Variants in SLC16A10 observed in about 807,000 individuals in gnomAD.
SLC16A10 encodes solute carrier family 16 member 10.
Under a neutral mutation model 40.0 loss-of-function variants are expected in SLC16A10, and 27 were observed. The observed-to-expected ratio is 0.67, with a 90% CI of 0.50 to 0.93. The LOEUF (loss-of-function observed/expected upper bound fraction) is 0.93. SLC16A10 is among the 40% of genes least tolerant of loss of function. The pLI is 0.00. For synonymous variants in SLC16A10, 213 were observed against 249.8 expected (o/e 0.85, Z 1.39); for missense variants, 529 against 658.2 (o/e 0.80, Z 2.15).
chr6:111,088,144 C>T (rs1770904548), intron 1 of SLC16A10, 49 bp downstream of exon 1: 13 of 1,559,854 alleles, frequency 8.3e-6, no homozygotes, highest in Admixed American at 1.9e-5. Context: ...CGCGTGGGGC[C>T]CCCGAGCGCA....
intron 3 of SLC16A10, among the ~76,000 whole-genome samples, chr6:111,187,909 C>A (rs938638830): frequency 3.3e-5 from 5 of 152,108 alleles, no homozygotes; most frequent in Non-Finnish European, 7.4e-5. Context: ...CCTTATAAAC[C>A]AAAGTTCACT....
At chr6:111,096,873 C>G (rs934735046) in intron 1 of SLC16A10, among the ~76,000 whole-genome samples, 1 of 151,992 alleles carries the variant, frequency 6.6e-6, no homozygotes, top group African/African-American at 2.4e-5. Flanking sequence ...GACTGGAGTG[C>G]AGTCAGTGAT....
chr6:111,169,029 C>G (rs1449460805), intron 1 of SLC16A10, among the ~76,000 whole-genome samples: 1 of 152,106 alleles, frequency 6.6e-6, no homozygotes, highest in Admixed American at 6.6e-5. Context: ...AAAGGATTCC[C>G]CCCAGTTGTG....
chr6:111,196,240 G>A (rs1773078063), intron 3 of SLC16A10, among the ~76,000 whole-genome samples: 1 of 152,152 alleles, frequency 6.6e-6, no homozygotes, highest in Non-Finnish European at 1.5e-5. Flanking sequence ...AGGAGGCTGA[G>A]GCAGGGAAAA....
intron 1 of SLC16A10, among the ~76,000 whole-genome samples, chr6:111,138,015 G>T (rs577148213): frequency 6.6e-6 from 1 of 152,276 alleles, no homozygotes; most frequent in Admixed American, 6.5e-5. Context: ...TACCCTCTTT[G>T]GGTACCCTCC....
chr6:111,195,138 A>G (rs1420930267), intron 3 of SLC16A10, among the ~76,000 whole-genome samples: 1 of 152,198 alleles, frequency 6.6e-6, no homozygotes, highest in African/African-American at 2.4e-5. Context: ...AAAACTACCT[A>G]TATACATAAT....
At chr6:111,206,533 T>C in intron 3 of SLC16A10, 59 bp from the exon 4 acceptor site, 1 of 1,601,010 alleles carries the variant, frequency 6.2e-7, no homozygotes, top group Non-Finnish European at 8.5e-7. Flanking sequence ...ATGCAAAGCC[T>C]CAAATTTGTC....
intron 4 of SLC16A10, among the ~76,000 whole-genome samples, chr6:111,216,294 A>G (rs1773419845): frequency 6.6e-6 from 1 of 152,224 alleles, no homozygotes; most frequent in African/African-American, 2.4e-5. Context: ...CATTGGAGAA[A>G]AGGATATTTA....
chr6:111,116,585 C>T (rs1771491513), intron 1 of SLC16A10, among the ~76,000 whole-genome samples: 2 of 152,172 alleles, frequency 1.3e-5, no homozygotes, highest in Admixed American at 1.3e-4. Context: ...TGCTGATGAC[C>T]TACTTTATGT....
intron 3 of SLC16A10, among the ~76,000 whole-genome samples, chr6:111,197,212 G>C (rs185354071): frequency 2.0e-5 from 3 of 152,276 alleles, no homozygotes; most frequent in Non-Finnish European, 2.9e-5. Context: ...GAAAGAGATA[G>C]ATAGGAGACT....
At chr6:111,097,251 T>A (rs1220968795) in intron 1 of SLC16A10, among the ~76,000 whole-genome samples, 1 of 152,222 alleles carries the variant, frequency 6.6e-6, no homozygotes, top group Non-Finnish European at 1.5e-5. Context: ...GACAATGTCA[T>A]ACTCTGTATT....
At chr6:111,219,119 T>C (rs1770839467) in intron 5 of SLC16A10, 77 bp downstream of exon 5, 3 of 1,290,668 alleles carry the variant, frequency 2.3e-6, no homozygotes, top group Non-Finnish European at 3.3e-6. Context: ...GTCTCATTTA[T>C]ATGTAAAACA....
intron 1 of SLC16A10, among the ~76,000 whole-genome samples, chr6:111,159,430 T>A (rs913602846): frequency 2.6e-5 from 4 of 152,212 alleles, no homozygotes; most frequent in African/African-American, 9.7e-5. Flanking sequence ...TACTAGAATG[T>A]GGTGCATGTA....
At chr6:111,144,974 C>T (rs113130835) in intron 1 of SLC16A10, among the ~76,000 whole-genome samples, 1,868 of 152,122 alleles carry the variant, frequency 0.012, 27 homozygotes, top group African/African-American at 0.043. Flanking sequence ...ACCACACAGG[C>T]GCATGCCACC....
intron 1 of SLC16A10, among the ~76,000 whole-genome samples, chr6:111,151,807 A>G (rs1424093234): frequency 6.6e-6 from 1 of 151,966 alleles, no homozygotes; most frequent in Non-Finnish European, 1.5e-5. Context: ...TCTTTCCCCC[A>G]TCCTTTGCCT....
chr6:111,193,212 T>C, intron 3 of SLC16A10: 1 of 853,830 alleles, frequency 1.2e-6, no homozygotes, highest in South Asian at 5.4e-5. Flanking sequence ...GTCCCTACTT[T>C]TTCTCAGATT....
chr6:111,207,528 A>G (rs1050522804), intron 4 of SLC16A10, among the ~76,000 whole-genome samples: 3 of 152,238 alleles, frequency 2.0e-5, no homozygotes, highest in Non-Finnish European at 4.4e-5. Context: ...TAAGTGAAAC[A>G]TGGTCTGTGC....
At chr6:111,102,222 G>T (rs1199357033) in intron 1 of SLC16A10, among the ~76,000 whole-genome samples, 1 of 152,114 alleles carries the variant, frequency 6.6e-6, no homozygotes, top group African/African-American at 2.4e-5. Flanking sequence ...GGTTCAAAGG[G>T]TATGAACAAC....
At chr6:111,127,040 G>T (rs534747097) in intron 1 of SLC16A10, among the ~76,000 whole-genome samples, 1 of 152,182 alleles carries the variant, frequency 6.6e-6, no homozygotes. Context: ...AATATTGGTA[G>T]TATTATTTTC....
Sources: allele counts gnomAD v4.1 joint callset (sites outside exome capture counted in the v4.1 genomes callset), GRCh38; gene constraint gnomAD v4.1.1; transcripts MANE v1.5; gene names NCBI Gene and HGNC (gene_info 2026-07-23, HGNC 2026-07-21).